GNAS: variants seen among roughly 807,000 people sequenced by gnomAD.
The protein encoded by GNAS is GNAS complex locus.
Under a neutral mutation model 54.5 loss-of-function variants are expected in GNAS, and 8 were observed. The ratio of observed to expected loss-of-function variants is 0.15; its 90% CI spans 0.09 to 0.26. GNAS has a LOEUF of 0.26. Ranked by LOEUF, GNAS falls within the 10% of genes least tolerant of loss-of-function variation. The pLI, the probability that GNAS is intolerant of heterozygous loss-of-function variation, is 1.00. For synonymous variants in GNAS, 204 were observed against 191.4 expected (o/e 1.07, Z -0.54); for missense variants, 170 against 529.8 (o/e 0.32, Z 6.67).
chr20:58,903,611 T>C, intron 4 of GNAS, 26 bp downstream of exon 4: 1 of 1,614,140 alleles, frequency 6.2e-7, no homozygotes, highest in Non-Finnish European at 8.5e-7. Flanking sequence ...TTGTGCTGTC[T>C]GTCTTGTAGC....
At chr20:58,903,444 C>G (rs2090813608) in intron 3 of GNAS, 87 bp from the exon 4 acceptor site, 6 of 1,096,784 alleles carry the variant, frequency 5.5e-6, no homozygotes, top group Non-Finnish European at 8.3e-6. Flanking sequence ...GAATACTATG[C>G]TTTTTAGTCG....
upstream of GNAS, chr20:58,840,053 C>T: frequency 1.3e-6 from 2 of 1,594,508 alleles, no homozygotes; most frequent in Non-Finnish European, 1.7e-6. This position sits in a 1 kb window ranked among gnomAD's most constrained non-coding sequence, Gnocchi z 6.0. Context: ...TGCTTCGGAG[C>T]CACTCTCTGC....
At chr20:58,872,201 T>C (rs534295498) in intron 1 of GNAS, among the ~76,000 whole-genome samples, 3 of 152,220 alleles carry the variant, frequency 2.0e-5, no homozygotes, top group Non-Finnish European at 4.4e-5. Context: ...TCTAAAACGA[T>C]GGTCCAATTT....
upstream of GNAS, chr20:58,839,852 G>C (rs1373888909): frequency 3.0e-5 from 18 of 597,010 alleles, no homozygotes; most frequent in East Asian, 4.7e-4. Flanking sequence ...GGAGGAGACA[G>C]AACTTTCCCC....
intron 1 of GNAS, among the ~76,000 whole-genome samples, chr20:58,843,782 C>T (rs544307887): frequency 3.3e-5 from 5 of 152,276 alleles, no homozygotes; most frequent in Admixed American, 1.3e-4. Context: ...GAGGGCGACC[C>T]AAAGGTGCTC....
chr20:58,854,738 G>A lies in GNAS; in HGVS notation c.43+13852G>A, dbSNP rs755184062. The A allele has an allele frequency of 1.3e-5, 20 of 1,539,102 alleles. No individual in the cohort carries two copies. Among genetic ancestry groups the A allele is most frequent in the East Asian group, 2.4e-5 (1 of 41,078 alleles). On this transcript the variant is annotated intron_variant, in intron 1 of 12. Transcript: ENST00000306090. ...GGGCAGCCCATGTCGCCCCAGCTGC[G>A]CCAGACGCAGGGGCTCCCACTGCCC...
chr20:58,899,298 C>T (rs558616071), intron 3 of GNAS, among the ~76,000 whole-genome samples: 1 of 152,202 alleles, frequency 6.6e-6, no homozygotes, highest in South Asian at 2.1e-4. Context: ...TCTGTTTTCC[C>T]CCAGCTCTCC....
intron 1 of GNAS, chr20:58,854,818 C>T: frequency 1.3e-6 from 2 of 1,590,846 alleles, no homozygotes; most frequent in Non-Finnish European, 1.7e-6. Flanking sequence ...TCTGCAGCCC[C>T]TGCCTCCGGG....
intron 1 of GNAS, among the ~76,000 whole-genome samples, chr20:58,845,357 A>C (rs1352147226): frequency 6.6e-6 from 1 of 152,138 alleles, no homozygotes. Flanking sequence ...GCTTCTTCAG[A>C]CATATGCTTC....
chr20:58,842,914 T>A (rs1263716911), intron 1 of GNAS, among the ~76,000 whole-genome samples: 1 of 152,224 alleles, frequency 6.6e-6, no homozygotes, highest in Non-Finnish European at 1.5e-5. Flanking sequence ...GAAATGAGCA[T>A]GTTGCCTTGT....
At chr20:58,891,964 C>T in intron 1 of GNAS, 99 bp downstream of exon 1, 2 of 787,646 alleles carry the variant, frequency 2.5e-6, no homozygotes, top group Non-Finnish European at 3.1e-6. Flanking sequence ...CGGGCGCGCG[C>T]TCCCGAGCCC....
At chr20:58,870,539 G>A (rs548105418) in intron 1 of GNAS, among the ~76,000 whole-genome samples, 1 of 152,316 alleles carries the variant, frequency 6.6e-6, no homozygotes, top group East Asian at 1.9e-4. Context: ...ATGAAATGTA[G>A]GATGCCCAAA....
At chr20:58,860,096 C>T (rs1210331242) in intron 1 of GNAS, among the ~76,000 whole-genome samples, 5 of 152,176 alleles carry the variant, frequency 3.3e-5, no homozygotes, top group African/African-American at 1.2e-4. Flanking sequence ...TGACACGTGT[C>T]GAGTAGTCTG....
At chr20:58,891,933 C>CT (rs2089414161) in intron 1 of GNAS, 68 bp downstream of exon 1, 1 of 899,020 alleles carries the variant, frequency 1.1e-6, no homozygotes, top group Admixed American at 6.5e-5. Context: ...AGGCCGCGCG[C>CT]GCCGAGCCCG....
intron 1 of GNAS, chr20:58,854,583 G>T: frequency 6.4e-7 from 1 of 1,557,088 alleles, no homozygotes. Flanking sequence ...CGCCCCAGCC[G>T]ATCCCGACTC....
intron 1 of GNAS, among the ~76,000 whole-genome samples, chr20:58,864,928 GAC>G (rs144642876): frequency 0.049 from 6,716 of 138,110 alleles, 171 homozygotes; most frequent in Middle Eastern, 0.097. Context: ...CTACCTACCA[GAC>G]ACACACACAC....
intron 1 of GNAS, among the ~76,000 whole-genome samples, chr20:58,847,076 C>G (rs570373044): frequency 6.6e-6 from 1 of 152,314 alleles, no homozygotes; most frequent in South Asian, 2.1e-4. Context: ...ACTGTTCAAG[C>G]ACAGGTGGTC....
At position 58,841,019 on chromosome 20, in the gene GNAS, G is replaced by A. The variant is rs2085698652; in HGVS notation, c.43+133G>A. 2.9e-6 allele frequency: 3 copies of A among 1,049,034 alleles called. No homozygotes were observed. Among genetic ancestry groups the A allele is most frequent in the Admixed American group, 4.4e-5 (2 of 45,310 alleles). 65.0% of individuals were successfully genotyped at this position (1,049,034 alleles called of 1,614,324 possible). A position where few individuals can be genotyped will look rare whatever the true frequency, so the allele number is the denominator to read the frequency against. On this transcript the variant is annotated intron_variant, in intron 1 of 12. Transcript: ENST00000306090. The surrounding 1 kb of genome is among the most constrained non-coding windows in gnomAD (Gnocchi z 5.0). The stretch of plus-strand genomic sequence containing the variant: ...AGGCTCAGCTGGTCAGCCTGGGATC[G>A]GGGGTCAGGGTGAGGCGGCGAGGGC...
intron 1 of GNAS, among the ~76,000 whole-genome samples, chr20:58,848,638 G>T (rs2086033901): frequency 6.6e-6 from 1 of 152,186 alleles, no homozygotes; most frequent in Admixed American, 6.5e-5. Flanking sequence ...CCATGTTTCT[G>T]TCTTGAGCTA....
Sources: allele counts gnomAD v4.1 joint callset (sites outside exome capture counted in the v4.1 genomes callset), GRCh38; gene constraint gnomAD v4.1.1; non-coding constraint Gnocchi (gnomAD v3.1); transcripts MANE v1.5; gene names NCBI Gene and HGNC (gene_info 2026-07-23, HGNC 2026-07-21).